Variants in DNAH11 observed in about 807,000 individuals in gnomAD.
DNAH11 encodes the protein dynein axonemal heavy chain 11, also known as axonemal beta dynein heavy chain 11.
A neutral mutation model predicts 526.0 loss-of-function variants in DNAH11; 442 were observed. The observed-to-expected ratio is 0.84, with a 90% CI of 0.78 to 0.91. DNAH11 has a LOEUF of 0.91. Ranked by LOEUF, DNAH11 falls within the 40% of genes least tolerant of loss-of-function variation. The pLI is 0.00. For missense variants in DNAH11, 6,989 were observed against 5,448.7 expected (o/e 1.28, Z -8.90); for synonymous variants, 2,461 against 1,935.9 (o/e 1.27, Z -7.12).
intron 36 of DNAH11, among the ~76,000 whole-genome samples, chr7:21,700,088 T>C (rs1287219493): frequency 6.6e-6 from 1 of 152,148 alleles, no homozygotes; most frequent in African/African-American, 2.4e-5. Context: ...ATTAGCCCTG[T>C]TTTACATATG....
chr7:21,756,691 C>A (rs1273734004), intron 54 of DNAH11, among the ~76,000 whole-genome samples: 5 of 152,066 alleles, frequency 3.3e-5, no homozygotes, highest in African/African-American at 1.2e-4. Context: ...TTTCCCAAAA[C>A]AAAGGATATT....
intron 6 of DNAH11, among the ~76,000 whole-genome samples, 159 bp from the exon 7 acceptor site, chr7:21,569,910 A>T (rs1281852256): frequency 2.6e-5 from 4 of 152,214 alleles, no homozygotes; most frequent in Admixed American, 1.3e-4. Context: ...ATTGAAGTCC[A>T]AGTAGCTGAA....
intron 2 of DNAH11, among the ~76,000 whole-genome samples, chr7:21,550,639 C>T (rs1335585646): frequency 6.6e-6 from 1 of 152,072 alleles, no homozygotes; most frequent in African/African-American, 2.4e-5. Flanking sequence ...AGGGGGATGC[C>T]AAGGGGTGAG....
chr7:21,825,792 T>C (rs1790263052), intron 65 of DNAH11, among the ~76,000 whole-genome samples: 1 of 151,974 alleles, frequency 6.6e-6, no homozygotes, highest in Non-Finnish European at 1.5e-5. Context: ...ACCCCTTCTC[T>C]ACTAAAAATA....
intron 64 of DNAH11, 97 bp downstream of exon 64, chr7:21,816,799 A>G: frequency 2.2e-6 from 2 of 915,648 alleles, no homozygotes; most frequent in Non-Finnish European, 3.4e-6. Flanking sequence ...TCTCCACCAC[A>G]TTGATGTATT....
rs1359906733 is a variant in DNAH11 at position 21,570,125 on chromosome 7, G to A, written c.1251G>A (p.Leu417=). The A allele has an allele frequency of 6.2e-7, 1 of 1,612,940 alleles. No homozygotes were observed. The highest frequency in any genetic ancestry group is 8.5e-7 in the Non-Finnish European group (1 of 1,179,488). Residue 417 remains leucine (L), a synonymous_variant, in exon 7 of 82, where the codon CTG becomes CTA. Transcript: ENST00000409508. ...DLLRGEIEES[L]EKVQVAVNIL... is the part of the protein sequence containing the mutation. Reference sequence around the variant, plus strand: ...TGAGGGGAGAAATAGAAGAGTCACTGGAAAAGGTGCAGGTGGCTGTTAACA... The same window carrying A: ...TGAGGGGAGAAATAGAAGAGTCACTAGAAAAGGTGCAGGTGGCTGTTAACA...
chr7:21,626,910 C>G (rs551392615), intron 25 of DNAH11, among the ~76,000 whole-genome samples: 1 of 152,068 alleles, frequency 6.6e-6, no homozygotes, highest in Admixed American at 6.5e-5. Flanking sequence ...GCCACCATGC[C>G]TGGCTAATTT....
At chr7:21,721,753 T>C (rs1191497286) in intron 44 of DNAH11, among the ~76,000 whole-genome samples, 2 of 152,090 alleles carry the variant, frequency 1.3e-5, no homozygotes, top group Non-Finnish European at 2.9e-5. Context: ...CTTCAAAATA[T>C]GGATTTGGGG....
chr7:21,888,351 T>C (rs1784205725), intron 76 of DNAH11, among the ~76,000 whole-genome samples: 1 of 151,996 alleles, frequency 6.6e-6, no homozygotes, highest in Non-Finnish European at 1.5e-5. Flanking sequence ...GGAGTGGGGG[T>C]CGGTTTTTGT....
At chr7:21,703,588 C>G (rs1367038677) in intron 37 of DNAH11, 1 of 152,084 alleles carries the variant, frequency 6.6e-6, no homozygotes, top group African/African-American at 2.4e-5. Flanking sequence ...TTTAAACCAT[C>G]GGATCTCGTG....
intron 45 of DNAH11, among the ~76,000 whole-genome samples, chr7:21,727,293 G>T (rs79425182): frequency 0.012 from 1,811 of 152,178 alleles, 38 homozygotes; most frequent in African/African-American, 0.041. Context: ...AAAATGTAAA[G>T]AAATAATAAT....
At chr7:21,582,351 A>T (rs1784341229) in intron 9 of DNAH11, among the ~76,000 whole-genome samples, 1 of 152,238 alleles carries the variant, frequency 6.6e-6, no homozygotes, top group Non-Finnish European at 1.5e-5. Flanking sequence ...ACCTTAATTC[A>T]GGAATTTCTT....
intron 63 of DNAH11, 134 bp from the exon 64 acceptor site, chr7:21,816,333 C>G (rs912770873): frequency 1.4e-6 from 1 of 690,840 alleles, no homozygotes; most frequent in Non-Finnish European, 2.5e-6. Flanking sequence ...TTGTGTTTGG[C>G]TTCTGAGAAT....
intron 20 of DNAH11, among the ~76,000 whole-genome samples, chr7:21,608,382 A>C (rs75087451): frequency 0.012 from 1,761 of 152,342 alleles, 66 homozygotes; most frequent in South Asian, 0.073. Context: ...GTTTAGATTT[A>C]GGAGCTGGGC....
chr7:21,753,072 C>T (rs893697099), intron 54 of DNAH11, among the ~76,000 whole-genome samples: 2 of 152,156 alleles, frequency 1.3e-5, no homozygotes, highest in African/African-American at 4.8e-5. Flanking sequence ...TTCTTAAAGC[C>T]TCTCACAATA....
intron 64 of DNAH11, among the ~76,000 whole-genome samples, chr7:21,817,695 A>ATT (rs201247500): frequency 1.3e-5 from 2 of 150,604 alleles, no homozygotes; most frequent in Non-Finnish European, 3.0e-5. Context: ...CACCATCTCT[A>ATT]TTTTTTTTTG....
chr7:21,624,060 C>A (rs978288576), intron 25 of DNAH11, among the ~76,000 whole-genome samples: 18 of 152,018 alleles, frequency 1.2e-4, no homozygotes, highest in African/African-American at 4.3e-4. Flanking sequence ...CCTCATGGTA[C>A]CTCTTAAAGG....
rs559858873 is a variant in DNAH11, at chr7:21,690,915, G to A, written c.6041+34G>A. On this transcript the variant is annotated intron_variant, in intron 35 of 81. Transcript: ENST00000409508. ...TATGCTTTGTGGCTTAGCATCTGGT[G>A]CACTCATGCCACCTAATGTTGTTGG... is the stretch of plus-strand genomic sequence containing the variant. 7.4e-6 allele frequency: 11 copies of A among 1,479,454 alleles called. No individual in the cohort carries two copies. In the South Asian group the frequency reaches 1.1e-4, roughly 14 times the overall value. The allele number at this position is 1,479,454 out of a possible 1,614,324, so 91.6% of individuals were successfully genotyped here.
chr7:21,826,936 T>C (rs1040819443), intron 65 of DNAH11, among the ~76,000 whole-genome samples: 14 of 152,338 alleles, frequency 9.2e-5, no homozygotes, highest in Admixed American at 2.0e-4. Flanking sequence ...GTCTGAGAAA[T>C]GTTTGTGATA....
Sources: allele counts gnomAD v4.1 joint callset (sites outside exome capture counted in the v4.1 genomes callset), GRCh38; gene constraint gnomAD v4.1.1; transcripts MANE v1.5; gene names NCBI Gene and HGNC (gene_info 2026-07-23, HGNC 2026-07-21).